The following CNIH3 variants were observed in gnomAD, a reference collection of about 807,000 sequenced individuals.
CNIH3 encodes cornichon family AMPA receptor auxiliary protein 3, also known as protein cornichon homolog 3.
A neutral mutation model predicts 24.1 loss-of-function variants in CNIH3; 14 were observed. The observed-to-expected ratio is 0.58, with a 90% CI of 0.38 to 0.91. The LOEUF is 0.91. Among genes scored for constraint, CNIH3 ranks in the 40% least tolerant of loss-of-function variants. The probability of loss-of-function intolerance (pLI) is 0.00; values close to 1 mark genes in which losing one functional copy is unlikely to be tolerated. For synonymous variants in CNIH3, 68 were observed against 73.8 expected (o/e 0.92, Z 0.40); for missense variants, 178 against 196.8 (o/e 0.90, Z 0.57).
At chr1:224,693,936 C>T (rs2125163273) in intron 3 of CNIH3, among the ~76,000 whole-genome samples, 1 of 152,382 alleles carries the variant, frequency 6.6e-6, no homozygotes, top group Non-Finnish European at 1.5e-5. Flanking sequence ...GTCTAGTCAT[C>T]TGTATTTTGA....
intron 1 of CNIH3, among the ~76,000 whole-genome samples, chr1:224,655,385 C>T (rs1019068656): frequency 2.0e-5 from 3 of 152,010 alleles, no homozygotes; most frequent in African/African-American, 7.3e-5. Flanking sequence ...GGGCCGTGGG[C>T]AGGGTGGAGA....
chr1:224,541,222 G>C (rs1679499377), downstream of CNIH3, among the ~76,000 whole-genome samples: 1 of 152,192 alleles, frequency 6.6e-6, no homozygotes, highest in Non-Finnish European at 1.5e-5. Flanking sequence ...ATATAGATGA[G>C]TACCGTGGTG....
At chr1:224,689,511 C>T (rs1686825746) in intron 3 of CNIH3, among the ~76,000 whole-genome samples, 1 of 152,200 alleles carries the variant, frequency 6.6e-6, no homozygotes, top group South Asian at 2.1e-4. Context: ...CCTGGGCCTC[C>T]TCCCTCCCGT....
intron 3 of CNIH3, among the ~76,000 whole-genome samples, chr1:224,563,428 A>C (rs559740387): frequency 2.6e-5 from 4 of 151,702 alleles, no homozygotes; most frequent in African/African-American, 9.7e-5. Flanking sequence ...TGGCAGAAGA[A>C]GGACAATACT....
intron 1 of CNIH3, among the ~76,000 whole-genome samples, chr1:224,501,453 A>G (rs1312794129): frequency 2.0e-5 from 3 of 151,750 alleles, no homozygotes; most frequent in Non-Finnish European, 4.4e-5. Flanking sequence ...AGAGTGATAT[A>G]AGCGAATTGC....
intron 3 of CNIH3, among the ~76,000 whole-genome samples, chr1:224,725,418 A>G (rs1347763936): frequency 6.6e-6 from 1 of 152,192 alleles, no homozygotes; most frequent in Non-Finnish European, 1.5e-5. Context: ...GTATTATGTA[A>G]CTGTAGGAAT....
chr1:224,585,132 C>T (rs1270214795), intron 5 of CNIH3, among the ~76,000 whole-genome samples: 1 of 152,204 alleles, frequency 6.6e-6, no homozygotes, highest in Non-Finnish European at 1.5e-5. Flanking sequence ...CTTTTCCTTA[C>T]CATTCCTGAG....
intron 3 of CNIH3, among the ~76,000 whole-genome samples, chr1:224,602,029 T>C (rs1186000538): frequency 6.6e-6 from 1 of 152,248 alleles, no homozygotes; most frequent in Non-Finnish European, 1.5e-5. Context: ...ACATTGACAA[T>C]ATAGTTTGTA....
At chr1:224,590,278 T>G (rs1346981487), downstream of CNIH3, among the ~76,000 whole-genome samples, 5 of 152,244 alleles carry the variant, frequency 3.3e-5, no homozygotes, top group Admixed American at 3.3e-4. Context: ...TTCCACTATA[T>G]GGCTGTATGA....
At chr1:224,656,740 G>A (rs1685117535) in intron 1 of CNIH3, among the ~76,000 whole-genome samples, 1 of 152,332 alleles carries the variant, frequency 6.6e-6, no homozygotes, top group South Asian at 2.1e-4. Flanking sequence ...CAACCAGACT[G>A]GATCCTCCAG....
At chr1:224,695,660 C>T (rs1165696577) in intron 3 of CNIH3, among the ~76,000 whole-genome samples, 1 of 152,178 alleles carries the variant, frequency 6.6e-6, no homozygotes, top group Non-Finnish European at 1.5e-5. Flanking sequence ...CATAGGAGTC[C>T]GTTATTTTCC....
Position 224,684,683 on chromosome 1 carries a change from G to T in CNIH3, c.151-113G>T. 1 of 884,746 alleles carries T rather than the reference G, an allele frequency of 1.1e-6. No homozygotes were observed. The highest frequency in any genetic ancestry group is 1.9e-6 in the Non-Finnish European group (1 of 523,014). 54.8% of individuals were successfully genotyped at this position (884,746 alleles called of 1,614,324 possible). A position where few individuals can be genotyped will look rare whatever the true frequency, so the allele number is the denominator to read the frequency against. The stretch of plus-strand genomic sequence containing the variant: ...AGCATGCTGGCCATGTGCCCAGGAG[G>T]GGTCTCTGGTGGCTTCTGCCTCCAC... On this transcript the variant is annotated intron_variant, in intron 2 of 5. Transcript: ENST00000272133. The surrounding 1 kb of genome is among the most constrained non-coding windows in gnomAD (Gnocchi z 4.2).
At chr1:224,736,593 C>T (rs1689602984) in intron 5 of CNIH3, among the ~76,000 whole-genome samples, 2 of 152,232 alleles carry the variant, frequency 1.3e-5, no homozygotes, top group South Asian at 2.1e-4. Flanking sequence ...GCTCTCTGGA[C>T]AATCTTGGTG....
At chr1:224,438,662 A>G (rs1416983922) in intron 1 of CNIH3, among the ~76,000 whole-genome samples, 2 of 152,152 alleles carry the variant, frequency 1.3e-5, no homozygotes, top group Non-Finnish European at 2.9e-5. Context: ...GAACACTAAA[A>G]TTGTCCAGCT....
chr1:224,706,594 G>T (rs1334799841), intron 3 of CNIH3, among the ~76,000 whole-genome samples: 1 of 152,106 alleles, frequency 6.6e-6, no homozygotes, highest in Admixed American at 6.5e-5. Flanking sequence ...CCCTTCTTTG[G>T]TGTCTCAGCT....
At chr1:224,730,157 C>T (rs990099145) in intron 3 of CNIH3, 2 of 255,356 alleles carry the variant, frequency 7.8e-6, no homozygotes, top group Non-Finnish European at 1.5e-5. Flanking sequence ...ACCAGCTCTT[C>T]CAGTCTTCCC....
chr1:224,482,344 G>A (rs985398146), intron 1 of CNIH3, among the ~76,000 whole-genome samples: 1 of 152,082 alleles, frequency 6.6e-6, no homozygotes, highest in African/African-American at 2.4e-5. Flanking sequence ...TGAATGTGCG[G>A]GGTCACAACT....
intron 1 of CNIH3, chr1:224,435,766 A>C (rs1674630353): frequency 6.6e-6 from 1 of 152,202 alleles, no homozygotes; most frequent in Non-Finnish European, 1.5e-5. Context: ...GCTGAATCTT[A>C]ATCATTGGCA....
chr1:224,458,923 CA>C lies in CNIH3; in HGVS notation n.203+24062del, dbSNP rs902144806. ...CAGAACTTAGGAGGGGAGCGCTTTG[CA>C]GCAACTTTTCAAGAAAAGGGGAAAA... On this transcript the variant is annotated intron_variant and non_coding_transcript_variant, in intron 1 of 5. Coordinates refer to the CNIH3 transcript ENST00000471578. This position sits in a 1 kb window ranked among gnomAD's most constrained non-coding sequence, Gnocchi z 4.3. Among the ~76,000 whole-genome samples, 1 of 152,158 alleles carries C rather than the reference CA, an allele frequency of 6.6e-6. No homozygotes were observed. The highest frequency in any genetic ancestry group is 1.5e-5 in the Non-Finnish European group (1 of 68,030).
Sources: allele counts gnomAD v4.1 joint callset (sites outside exome capture counted in the v4.1 genomes callset), GRCh38; gene constraint gnomAD v4.1.1; non-coding constraint Gnocchi (gnomAD v3.1); transcripts MANE v1.5; gene names NCBI Gene and HGNC (gene_info 2026-07-23, HGNC 2026-07-21).